Variants in BSG observed in about 807,000 individuals in gnomAD.
The protein encoded by BSG is basigin (Ok blood group), also known as basigin.
Under a neutral mutation model 43.1 loss-of-function variants are expected in BSG, and 37 were observed. The observed-to-expected ratio is 0.86, with a 90% CI of 0.66 to 1.13. The LOEUF (loss-of-function observed/expected upper bound fraction) is 1.13, where lower values mean the gene tolerates loss of function less well. BSG is among the 50% of genes most tolerant of loss of function. The pLI, the probability that BSG is intolerant of heterozygous loss-of-function variation, is 0.00. For missense variants in BSG, 599 were observed against 554.2 expected (o/e 1.08, Z -0.81); for synonymous variants, 309 against 238.7 (o/e 1.29, Z -2.72).
chr19:577,873 G>A lies in BSG; in HGVS notation c.167G>A (p.Trp56Ter), dbSNP rs767065063. ...AVGSPVPEIQWWFEGQGPNDT... is the reference protein window; with the variant it reads ...AVGSPVPEIQ Reference sequence around the variant, plus strand: ...GGCAGCCCGGTGCCCGAGATCCAGTGGTGGTTTGAAGGGCAGGGTCCCAAC... The same window carrying A: ...GGCAGCCCGGTGCCCGAGATCCAGTAGTGGTTTGAAGGGCAGGGTCCCAAC... The change falls in exon 2 of 9, where the codon TGG becomes TAG. Residue 56 changes from tryptophan (W) to a stop codon, truncating the protein, a stop_gained. Coordinates refer to ENST00000333511, the MANE Select transcript of BSG (RefSeq NM_001728.4). LOFTEE classifies it high-confidence loss of function. 1.9e-6 allele frequency: 3 copies of A among 1,571,528 alleles called. No homozygotes were observed. The highest frequency in any genetic ancestry group is 3.5e-5 in the Admixed American group (2 of 56,432).
chr19:575,865 C>A (rs371980559), intron 1 of BSG, among the ~76,000 whole-genome samples: 1 of 151,232 alleles, frequency 6.6e-6, no homozygotes, highest in African/African-American at 2.4e-5. Flanking sequence ...GTGCGGCGGG[C>A]GAGATGGGGT....
chr19:572,639 C>A lies in BSG; in HGVS notation c.5C>A (p.Ala2Glu). Residue 2 changes from alanine (A) to glutamate (E), a missense_variant, in exon 1 of 9, where the codon GCG (alanine) becomes GAG (glutamate). Physicochemically the swap from Ala to Glu is moderately radical, Grantham distance 107 (BLOSUM62 -1). Transcript: ENST00000333511. Reference sequence around the variant, plus strand: ...GACCGGCGAGGAATAGGAATCATGGCGGCTGCGCTGTTCGTGCTGCTGGGA... The same window carrying A: ...GACCGGCGAGGAATAGGAATCATGGAGGCTGCGCTGTTCGTGCTGCTGGGA... MAAALFVLLGFA... is the reference protein window; with the variant it reads MEAALFVLLGFA... The A allele has an allele frequency of 1.3e-6, 2 of 1,503,714 alleles. No individual in the cohort carries two copies. The highest frequency in any genetic ancestry group is 2.8e-5 in the East Asian group (1 of 35,140). The allele number at this position is 1,503,714 out of a possible 1,614,324, so 93.1% of individuals were successfully genotyped here.
At chr19:572,541 G>A (rs976728658), upstream of BSG, 16 of 1,319,346 alleles carry the variant, frequency 1.2e-5, no homozygotes, top group African/African-American at 1.5e-5. Flanking sequence ...CCGTGCGTGC[G>A]CGCGCCCGGT....
intron 6 of BSG, among the ~76,000 whole-genome samples, chr19:581,956 C>T (rs28992484): frequency 0.14 from 21,191 of 152,326 alleles, 1,714 homozygotes; most frequent in South Asian, 0.27. Flanking sequence ...GCAGCCCCTG[C>T]CTGCCTCCTC....
At chr19:576,810 C>T (rs1981817130) in intron 1 of BSG, among the ~76,000 whole-genome samples, 2 of 152,110 alleles carry the variant, frequency 1.3e-5, no homozygotes, top group African/African-American at 2.4e-5. Flanking sequence ...GTCAACTGCG[C>T]CTGCCCAGAG....
rs768877075 is a variant in BSG, at chr19:572,640, G to C, written c.6G>C (p.Ala2=). The C allele has an allele frequency of 6.0e-6, 9 of 1,504,142 alleles. No homozygotes were observed. Among genetic ancestry groups the C allele is most frequent in the Non-Finnish European group, 8.0e-6 (9 of 1,125,108 alleles). 93.2% of individuals were successfully genotyped at this position (1,504,142 alleles called of 1,614,324 possible). A position where few individuals can be genotyped will look rare whatever the true frequency, so the allele number is the denominator to read the frequency against. Residue 2 remains alanine, a synonymous_variant, in exon 1 of 9, where the codon GCG becomes GCC. Transcript: ENST00000333511. ...ACCGGCGAGGAATAGGAATCATGGC[G>C]GCTGCGCTGTTCGTGCTGCTGGGAT... M[A]AALFVLLGFA...
intron 1 of BSG, among the ~76,000 whole-genome samples, chr19:574,359 G>C (rs1361180600): frequency 6.6e-6 from 1 of 151,890 alleles, no homozygotes; most frequent in Non-Finnish European, 1.5e-5. Flanking sequence ...CAAGACCATC[G>C]TGGCTAACAC....
chr19:573,211 C>T (rs1230267999), intron 1 of BSG, among the ~76,000 whole-genome samples: 10 of 152,136 alleles, frequency 6.6e-5, no homozygotes, highest in Non-Finnish European at 1.5e-4. Context: ...CTGGTTGGTG[C>T]CTGCCCAACC....
At chr19:574,398 A>T (rs1182033532) in intron 1 of BSG, among the ~76,000 whole-genome samples, 1 of 151,894 alleles carries the variant, frequency 6.6e-6, no homozygotes, top group Non-Finnish European at 1.5e-5. Context: ...CTAAAAATAC[A>T]AAAAATTAGC....
At position 577,995 on chromosome 19, in the gene BSG, A is replaced by T. The variant is rs1364746043; in HGVS notation, c.289A>T (p.Thr97Ser). The T allele has an allele frequency of 6.2e-7, 1 of 1,612,056 alleles. No individual in the cohort carries two copies. Among genetic ancestry groups the T allele is most frequent in the Admixed American group, 1.7e-5 (1 of 59,962 alleles). ...CGCGGCCAGCACCATCTCCATCGAC[A>T]CGCTCGTGGAGGAGGACACGGGCAC... ...QHAASTISID[T>S]LVEEDTGTYE... The change falls in exon 2 of 9, where the codon ACG (threonine) becomes TCG (serine). Residue 97 changes from threonine to serine, a missense_variant. Coordinates refer to ENST00000333511, the MANE Select transcript of BSG (RefSeq NM_001728.4).
In BSG at chr19:572,639, C is replaced by G; in HGVS notation, c.5C>G (p.Ala2Gly). ...GACCGGCGAGGAATAGGAATCATGG[C>G]GGCTGCGCTGTTCGTGCTGCTGGGA... M[A>G]AALFVLLGFA... The change falls in exon 1 of 9, where the codon GCG becomes GGG. Residue 2 changes from alanine to glycine, a missense_variant. Transcript: ENST00000333511. 6.7e-7 allele frequency: 1 copy of G among 1,503,712 alleles called. No individual in the cohort carries two copies. Among genetic ancestry groups the G allele is most frequent in the Non-Finnish European group, 8.9e-7 (1 of 1,124,784 alleles). The allele number at this position is 1,503,712 out of a possible 1,614,324, so 93.1% of individuals were successfully genotyped here.
intron 1 of BSG, among the ~76,000 whole-genome samples, chr19:577,316 G>A (rs943121408): frequency 2.6e-5 from 4 of 152,200 alleles, no homozygotes; most frequent in South Asian, 2.1e-4. Flanking sequence ...CTGTCCTAAC[G>A]GAGCCGGGCT....
At chr19:580,591 CGGGGA>C in intron 4 of BSG, 50 bp from the exon 5 acceptor site, 1 of 1,608,572 alleles carries the variant, frequency 6.2e-7, no homozygotes, top group East Asian at 2.2e-5. Flanking sequence ...TGCGGGAGGC[CGGGGA>C]TGGGGGCGGG....
intron 1 of BSG, chr19:575,083 G>C (rs12609053): frequency 0.14 from 21,121 of 152,310 alleles, 1,696 homozygotes; most frequent in South Asian, 0.26. Context: ...GGTTTCTTCT[G>C]AGCAGAAAGC....
chr19:578,221 C>T, intron 2 of BSG, 100 bp downstream of exon 2: 1 of 1,222,414 alleles, frequency 8.2e-7, no homozygotes, highest in Non-Finnish European at 1.1e-6. Context: ...CTCCTCCCCT[C>T]TCCGTCCCGC....
chr19:577,392 C>T (rs1600485413), intron 1 of BSG, among the ~76,000 whole-genome samples: 1 of 152,202 alleles, frequency 6.6e-6, no homozygotes, highest in South Asian at 2.1e-4. Flanking sequence ...CAGCAGCTCA[C>T]CCGGGTCTCT....
intron 1 of BSG, among the ~76,000 whole-genome samples, chr19:573,188 C>G (rs555181044): frequency 1.2e-4 from 18 of 152,288 alleles, no homozygotes; most frequent in African/African-American, 4.3e-4. Context: ...GGCCTGGAGC[C>G]AGGGGTCAGG....
intron 2 of BSG, 169 bp downstream of exon 2, chr19:578,290 C>G: frequency 1.6e-6 from 1 of 644,992 alleles, no homozygotes; most frequent in East Asian, 3.2e-5. Flanking sequence ...GGGGTGGGCT[C>G]GCCGCCTGAC....
At chr19:573,223 G>A (rs141163893) in intron 1 of BSG, among the ~76,000 whole-genome samples, 1 of 152,156 alleles carries the variant, frequency 6.6e-6, no homozygotes, top group African/African-American at 2.4e-5. Context: ...TGCCCAACCC[G>A]TCCTGCTGGG....
Sources: gnomAD v4.1 joint callset for allele counts (sites outside exome capture counted in the v4.1 genomes callset) on GRCh38, gnomAD v4.1.1 for gene constraint, MANE v1.5 for transcripts, NCBI Gene and HGNC (gene_info 2026-07-23, HGNC 2026-07-21) for gene names.